The following SGCD variants were observed in gnomAD, a reference collection of about 807,000 sequenced individuals.
SGCD encodes sarcoglycan delta.
A neutral mutation model predicts 36.6 loss-of-function variants in SGCD; 18 were observed. That is an observed-to-expected ratio of 0.49 (90% CI 0.34 to 0.73). The LOEUF is 0.73. Ranked by LOEUF, SGCD falls within the 30% of genes least tolerant of loss-of-function variation. SGCD has a pLI of 0.01. For synonymous variants in SGCD, 133 were observed against 130.6 expected (o/e 1.02, Z -0.12); for missense variants, 387 against 346.7 (o/e 1.12, Z -0.92).
In SGCD at chr5:156,423,419, T is replaced by A. The variant is rs1198916558; in HGVS notation, c.192+78742T>A. Among the ~76,000 whole-genome samples, 3 of 108,512 alleles carry A rather than the reference T, an allele frequency of 2.8e-5. No homozygotes were observed. The East Asian group carries it at 7.3e-4, about 26-fold the overall frequency. 71.2% of individuals were successfully genotyped at this position (108,512 alleles called of 152,430 possible). ...TATTTTATTATAATATAATATATTATATTTTAATAAAATATAATATATTTA... is the reference window on the plus strand; with the variant it reads ...TATTTTATTATAATATAATATATTAAATTTTAATAAAATATAATATATTTA... On this transcript the variant is annotated intron_variant, in intron 3 of 8. Transcript: ENST00000337851.
chr5:156,493,702 A>T (rs1756044948), intron 3 of SGCD, among the ~76,000 whole-genome samples: 1 of 152,128 alleles, frequency 6.6e-6, no homozygotes, highest in African/African-American at 2.4e-5. Context: ...GTATTTAATG[A>T]TTTGTTGATT....
intron 1 of SGCD, among the ~76,000 whole-genome samples, chr5:156,025,052 T>C (rs1759197467): frequency 6.6e-6 from 1 of 152,196 alleles, no homozygotes; most frequent in South Asian, 2.1e-4. Flanking sequence ...AACAAATTAT[T>C]TTCCATATTT....
At chr5:156,072,978 C>T (rs1049807974) in intron 1 of SGCD, among the ~76,000 whole-genome samples, 1 of 152,170 alleles carries the variant, frequency 6.6e-6, no homozygotes, top group Non-Finnish European at 1.5e-5. Context: ...GCTTTCAGCT[C>T]CATCAGCTCC....
intron 3 of SGCD, among the ~76,000 whole-genome samples, chr5:156,472,637 C>T (rs545481868): frequency 2.6e-4 from 39 of 152,226 alleles, no homozygotes; most frequent in Non-Finnish European, 4.7e-4. Context: ...AGGCTGGTCT[C>T]GAACTCCTGA....
At chr5:155,748,516 T>G in the SGCD span, among the ~76,000 whole-genome samples, 1 of 152,172 alleles carries the variant, frequency 6.6e-6, no homozygotes, top group African/African-American at 2.4e-5. Flanking sequence ...TACAAATTGC[T>G]GAGCCCCACT....
chr5:156,580,780 T>G (rs967886513), intron 4 of SGCD, among the ~76,000 whole-genome samples: 1 of 152,160 alleles, frequency 6.6e-6, no homozygotes, highest in East Asian at 1.9e-4. Flanking sequence ...CTACACTATT[T>G]ATTCTAGTTA....
intron 1 of SGCD, among the ~76,000 whole-genome samples, chr5:155,996,876 GAT>G (rs1758560346): frequency 7.0e-6 from 1 of 142,864 alleles, no homozygotes; most frequent in Admixed American, 6.7e-5. Context: ...TAGATAGATA[GAT>G]AGATAGATAG....
the SGCD span, among the ~76,000 whole-genome samples, chr5:155,757,950 T>C: frequency 1.3e-5 from 2 of 152,238 alleles, no homozygotes; most frequent in South Asian, 4.1e-4. Flanking sequence ...GCTCTCTCTT[T>C]GCCTGCCACC....
chr5:156,508,763 T>C lies in SGCD; in HGVS notation c.294+61T>C, dbSNP rs950478293. 153 of 979,288 alleles carry C rather than the reference T, an allele frequency of 1.6e-4. 2 individuals carry two copies. In the South Asian group the frequency reaches 1.8e-3, roughly 12 times the overall value. 60.7% of individuals were successfully genotyped at this position (979,288 alleles called of 1,614,324 possible). ...GCTCTAGAATCTAAATCTGGAGGAA[T>C]TGATCTTGCTATCAGCTGAGTACAG... On this transcript the variant is annotated intron_variant, in intron 4 of 8. Coordinates refer to ENST00000337851, the MANE Select transcript of SGCD (RefSeq NM_000337.6).
At chr5:155,778,367 G>C in the SGCD span, among the ~76,000 whole-genome samples, 4 of 152,058 alleles carry the variant, frequency 2.6e-5, no homozygotes, top group African/African-American at 9.7e-5. Context: ...TATATCGACT[G>C]CATTACCACA....
chr5:156,677,834 A>G (rs1453165905), intron 7 of SGCD, among the ~76,000 whole-genome samples: 1 of 152,144 alleles, frequency 6.6e-6, no homozygotes, highest in African/African-American at 2.4e-5. Context: ...TGCATTTCTT[A>G]TTATTTCTAT....
the SGCD span, among the ~76,000 whole-genome samples, chr5:155,808,230 CT>C: frequency 6.6e-6 from 1 of 152,122 alleles, no homozygotes; most frequent in Non-Finnish European, 1.5e-5. Context: ...CATTTTTTTG[CT>C]TTGCTTTTGG....
intron 3 of SGCD, among the ~76,000 whole-genome samples, chr5:156,460,324 T>C (rs148408664): frequency 8.9e-4 from 136 of 152,320 alleles, no homozygotes; most frequent in East Asian, 3.9e-4. Context: ...TAGCCCTGCC[T>C]TTTAAAGGTT....
At chr5:156,281,514 C>T (rs1766452445) in intron 3 of SGCD, among the ~76,000 whole-genome samples, 1 of 151,992 alleles carries the variant, frequency 6.6e-6, no homozygotes, top group African/African-American at 2.4e-5. Flanking sequence ...CTTATTTTTT[C>T]AACAAATAAT....
At chr5:156,198,834 C>T (rs1199920385) in intron 3 of SGCD, among the ~76,000 whole-genome samples, 1 of 151,856 alleles carries the variant, frequency 6.6e-6, no homozygotes, top group African/African-American at 2.4e-5. Flanking sequence ...CAGGACTTTC[C>T]AGCCAATGGT....
the SGCD span, among the ~76,000 whole-genome samples, chr5:155,802,364 G>T: frequency 4.6e-5 from 7 of 152,092 alleles, no homozygotes. Context: ...TAGGCTTATT[G>T]AATTTTCTCT....
chr5:156,000,657 A>C (rs6873111), intron 1 of SGCD, among the ~76,000 whole-genome samples: 45,680 of 151,198 alleles, frequency 0.3, 8,637 homozygotes, highest in South Asian at 0.5. Flanking sequence ...CTGCCTCCTT[A>C]CCCCTGCCCC....
At chr5:156,160,098 T>C (rs79869901) in intron 3 of SGCD, among the ~76,000 whole-genome samples, 2,187 of 151,756 alleles carry the variant, frequency 0.014, 30 homozygotes, top group Non-Finnish European at 0.024. Flanking sequence ...AGTTTACACA[T>C]ATTTTCAAAT....
At chr5:156,695,643 C>A (rs1754293576) in intron 7 of SGCD, among the ~76,000 whole-genome samples, 1 of 151,878 alleles carries the variant, frequency 6.6e-6, no homozygotes, top group Non-Finnish European at 1.5e-5. Context: ...TGTGTTATAT[C>A]CTATAACAAT....
Sources: gnomAD v4.1 joint callset for allele counts (sites outside exome capture counted in the v4.1 genomes callset) on GRCh38, gnomAD v4.1.1 for gene constraint, MANE v1.5 for transcripts, NCBI Gene and HGNC (gene_info 2026-07-23, HGNC 2026-07-21) for gene names.